The following NCOR2 variants were observed in gnomAD, a reference collection of about 807,000 sequenced individuals.
NCOR2 encodes the protein CTG repeat protein 26.
A neutral mutation model predicts 262.9 loss-of-function variants in NCOR2; 81 were observed. That is an observed-to-expected ratio of 0.31 (90% CI 0.26 to 0.37). NCOR2 has a LOEUF of 0.37. NCOR2 is among the 10% of genes least tolerant of loss of function. The pLI, the probability that NCOR2 is intolerant of heterozygous loss-of-function variation, is 1.00. For missense variants in NCOR2, 3,385 were observed against 3,621.4 expected (o/e 0.93, Z 1.68); for synonymous variants, 1,659 against 1,559.3 (o/e 1.06, Z -1.51).
chr12:124,366,848 T>C (rs1299112985), intron 20 of NCOR2, among the ~76,000 whole-genome samples: 2 of 152,156 alleles, frequency 1.3e-5, no homozygotes, highest in South Asian at 2.1e-4. Flanking sequence ...GTGAAATGTA[T>C]GGTATATGAA....
rs1298989548 is a variant in NCOR2 at position 124,432,116 on chromosome 12, TGACA to T, written c.883-1333_883-1330del. On this transcript the variant is annotated intron_variant, in intron 8 of 46. Coordinates refer to ENST00000405201, the Ensembl canonical transcript of NCOR2. This position sits in a 1 kb window ranked among gnomAD's most constrained non-coding sequence, Gnocchi z 5.1. ...ACACACGGTCATCCAGGCAGACATATGACAGACACACACACAGTCGCAGGCAGAC... is the reference window on the plus strand; with the variant it reads ...ACACACGGTCATCCAGGCAGACATATGACACACACACAGTCGCAGGCAGAC... 1.3e-5 allele frequency among the ~76,000 whole-genome samples: 2 copies of T among 150,186 alleles called. No individual in the cohort carries two copies. The highest frequency in any genetic ancestry group is 1.3e-4 in the Admixed American group (2 of 15,130).
At chr12:124,325,375 C>A in exon 47 of NCOR2, 1 of 406,198 alleles carries the variant, frequency 2.5e-6, no homozygotes, top group South Asian at 9.5e-5. Context: ...GGACCTGACA[C>A]CGCCCCCCCC....
chr12:124,479,458 C>T (rs991760927), intron 3 of NCOR2, among the ~76,000 whole-genome samples: 1 of 144,670 alleles, frequency 6.9e-6, no homozygotes, highest in African/African-American at 2.5e-5. Context: ...CACGCATACA[C>T]ACACACACAC....
At chr12:124,329,571 T>C (rs2035004096) in intron 44 of NCOR2, among the ~76,000 whole-genome samples, 2 of 151,970 alleles carry the variant, frequency 1.3e-5, no homozygotes, top group Non-Finnish European at 2.9e-5. Flanking sequence ...TGAGAGCCTG[T>C]CTCTACAAAA....
intron 5 of NCOR2, among the ~76,000 whole-genome samples, chr12:124,465,129 A>G (rs2046356192): frequency 6.6e-6 from 1 of 151,040 alleles, no homozygotes; most frequent in Non-Finnish European, 1.5e-5. Flanking sequence ...TTGGCCAAGG[A>G]AGATATTACA....
chr12:124,354,860 A>T, exon 25 of NCOR2: 1 of 1,612,832 alleles, frequency 6.2e-7, no homozygotes, highest in Non-Finnish European at 8.5e-7. Flanking sequence ...GTCCATGGGC[A>T]GGGGCAGCCC....
At chr12:124,466,033 A>T (rs1390281479) in intron 5 of NCOR2, 140 bp downstream of exon 7, 1 of 834,578 alleles carries the variant, frequency 1.2e-6, no homozygotes, top group African/African-American at 1.7e-5. Flanking sequence ...CCCACTCATA[A>T]ACCCTGCGTC....
Position 124,493,755 on chromosome 12 carries a change from TG to T in NCOR2, c.105+1391del, listed in dbSNP as rs1401773082. ...GACAAAATATAAAATCATTTCCCAC[TG>T]GGAGTCTATTCCTTAGCCCCAGGCA... On this transcript the variant is annotated intron_variant, in intron 1 of 46. Coordinates refer to ENST00000405201, the Ensembl canonical transcript of NCOR2. Among the ~76,000 whole-genome samples, 15 of 152,318 alleles carry T rather than the reference TG, an allele frequency of 9.8e-5. No individual in the cohort carries two copies. In the East Asian group the frequency reaches 2.9e-3, roughly 29 times the overall value.
chr12:124,429,750 CG>C, intron 9 of NCOR2, 44 bp from the exon 12 acceptor site: 1 of 1,532,538 alleles, frequency 6.5e-7, no homozygotes. Flanking sequence ...TTCTGGTGGT[CG>C]GGGACACTAG....
chr12:124,470,313 A>T (rs1410570704), intron 4 of NCOR2, among the ~76,000 whole-genome samples: 2 of 152,218 alleles, frequency 1.3e-5, no homozygotes, highest in East Asian at 3.8e-4. Flanking sequence ...AATTAAACCT[A>T]GAGTTACTGT....
rs1340468097 is a variant in NCOR2, at chr12:124,451,239, G to A, written c.763-1372C>T. 3.3e-5 allele frequency among the ~76,000 whole-genome samples: 5 copies of A among 152,346 alleles called. No homozygotes were observed. In the East Asian group the frequency reaches 5.8e-4, roughly 18 times the overall value. On this transcript the variant is annotated intron_variant, in intron 6 of 46. Transcript: ENST00000405201. ...ACAACGCCGGCCCCCCGACTCCCTC[G>A]CTGGCCACGGAGGTGCAAGAGCTGA...
At chr12:124,422,845 C>T (rs772742483) in intron 11 of NCOR2, among the ~76,000 whole-genome samples, 1 of 152,210 alleles carries the variant, frequency 6.6e-6, no homozygotes, top group Admixed American at 6.5e-5. Context: ...AATGAGGACA[C>T]GACATGCAGC....
At chr12:124,437,813 A>G in intron 8 of NCOR2, 117 bp downstream of exon 10, 2 of 730,316 alleles carry the variant, frequency 2.7e-6, no homozygotes, top group Non-Finnish European at 4.0e-6. Flanking sequence ...CGCAGCCTGG[A>G]CACTCAGGGA....
chr12:124,422,668 G>A (rs568636528), intron 11 of NCOR2, 113 bp from the exon 14 acceptor site: 69 of 1,279,320 alleles, frequency 5.4e-5, no homozygotes, highest in East Asian at 2.3e-4. Flanking sequence ...GGCGGGCACC[G>A]CCCCACTTGG....
intron 7 of NCOR2, among the ~76,000 whole-genome samples, chr12:124,449,158 G>A (rs376292061): frequency 8.5e-5 from 13 of 152,210 alleles, no homozygotes; most frequent in South Asian, 6.2e-4. Flanking sequence ...CCAATGCCTT[G>A]TACCCCGCTT....
At chr12:124,480,933 GA>G (rs1345889926) in intron 3 of NCOR2, among the ~76,000 whole-genome samples, 1 of 151,390 alleles carries the variant, frequency 6.6e-6, no homozygotes, top group Non-Finnish European at 1.5e-5. Flanking sequence ...ACCCATGGGT[GA>G]GGGGCGGCTG....
rs1269481951 is a variant in NCOR2, at chr12:124,503,069, A to G, written c.-117-7701T>C. Among the ~76,000 whole-genome samples the G allele has an allele frequency of 6.6e-6, 1 of 152,228 alleles. No individual in the cohort carries two copies. The highest frequency in any genetic ancestry group is 1.5e-5 in the Non-Finnish European group (1 of 68,032). ...CTGAGGGTCAAATACTAAGAGCTCA[A>G]TCCCGGGTGCCACCCACAAGGGTGC... On this transcript the variant is annotated intron_variant, in intron 1 of 46. Coordinates refer to the NCOR2 transcript ENST00000404621. The surrounding 1 kb of genome is among the most constrained non-coding windows in gnomAD (Gnocchi z 4.3).
At chr12:124,463,429 GC>G (rs1036431313) in intron 5 of NCOR2, among the ~76,000 whole-genome samples, 1 of 152,232 alleles carries the variant, frequency 6.6e-6, no homozygotes, top group African/African-American at 2.4e-5. Flanking sequence ...TCAGGCTGCA[GC>G]CACCCTGATG....
intron 10 of NCOR2, among the ~76,000 whole-genome samples, chr12:124,429,134 G>A (rs1169117501): frequency 6.6e-6 from 1 of 152,260 alleles, no homozygotes; most frequent in Non-Finnish European, 1.5e-5. Flanking sequence ...GGTCGTGGCT[G>A]CGTGGACAGC....
Sources: allele counts gnomAD v4.1 joint callset (sites outside exome capture counted in the v4.1 genomes callset), GRCh38; gene constraint gnomAD v4.1.1; non-coding constraint Gnocchi (gnomAD v3.1); transcripts MANE v1.5; gene names NCBI Gene and HGNC (gene_info 2026-07-23, HGNC 2026-07-21).